Variants in SYF2 observed in about 807,000 individuals in gnomAD.
The protein encoded by SYF2 is pre-mRNA-splicing factor SYF2.
In SYF2, 21 loss-of-function variants were observed where a neutral mutation model predicts 32.7. That is an observed-to-expected ratio of 0.64 (90% confidence interval 0.45 to 0.92). SYF2 has a LOEUF of 0.92. SYF2 is among the 40% of genes least tolerant of loss of function. The probability of loss-of-function intolerance (pLI) is 0.00; values close to 1 mark genes in which losing one functional copy is unlikely to be tolerated. For missense variants in SYF2, 278 were observed against 296.5 expected (o/e 0.94, Z 0.46); for synonymous variants, 114 against 103.9 (o/e 1.10, Z -0.59).
At chr1:25,228,373 C>CA (rs1217208037) in intron 3 of SYF2, 138 bp from the exon 4 acceptor site, 15 of 766,112 alleles carry the variant, frequency 2.0e-5, no homozygotes. Context: ...CTCACTCTGT[C>CA]ACGCAGGCTG....
At chr1:25,227,868 T>C (rs914358652) in intron 4 of SYF2, among the ~76,000 whole-genome samples, 1 of 152,230 alleles carries the variant, frequency 6.6e-6, no homozygotes, top group African/African-American at 2.4e-5. Context: ...AAGCATAGCT[T>C]CTATCCTGAA....
chr1:25,230,334 C>T (rs1214436858), intron 2 of SYF2: 1 of 150,444 alleles, frequency 6.6e-6, no homozygotes, highest in Non-Finnish European at 1.5e-5. Context: ...GGAGAAGAGT[C>T]TATTTTTAAA....
In SYF2 at chr1:25,227,520, G is replaced by A. The variant is rs2124511454; in HGVS notation, c.389C>T (p.Ala130Val). Residue 130 changes from alanine (A) to valine (V), a missense_variant, in exon 5 of 7, where the codon GCC (alanine) becomes GTC (valine). Ala to Val is a moderately conservative substitution (Grantham distance 64). Coordinates refer to ENST00000236273, the MANE Select transcript of SYF2 (RefSeq NM_015484.5). The stretch of plus-strand genomic sequence containing the variant: ...CAACCGATGATACTGGCGTAACTGG[G>A]CAGCAGCATAATCTAAAAATATAAA... ...PDLGFSDYAA[A>V]QLRQYHRLTK... The A allele has an allele frequency of 6.2e-7, 1 of 1,613,264 alleles. No homozygotes were observed. The highest frequency in any genetic ancestry group is 1.3e-5 in the African/African-American group (1 of 74,998).
At chr1:25,226,558 T>C (rs916016618) in intron 5 of SYF2, among the ~76,000 whole-genome samples, 4 of 152,192 alleles carry the variant, frequency 2.6e-5, no homozygotes, top group African/African-American at 9.7e-5. Context: ...CCTCCTAAAA[T>C]AATATCTAAG....
Position 25,232,186 on chromosome 1 carries a change from CCCT to C in SYF2, c.47_49del (p.Glu16del), listed in dbSNP as rs767601374. The C allele has an allele frequency of 6.2e-7, 1 of 1,613,826 alleles. No homozygotes were observed. The highest frequency in any genetic ancestry group is 8.5e-7 in the Non-Finnish European group (1 of 1,179,998). On this transcript the variant is annotated inframe_deletion, in exon 2 of 7. Transcript: ENST00000236273. ...CAGCTCCGCCGCCGCAGCGAGGGAC[CCCT>C]CCTCCGCGCTGTCCACCAGCACCTG...
At chr1:25,226,837 C>T (rs1361015911) in intron 5 of SYF2, among the ~76,000 whole-genome samples, 1 of 151,978 alleles carries the variant, frequency 6.6e-6, no homozygotes, top group Non-Finnish European at 1.5e-5. Flanking sequence ...ATTAATTAGC[C>T]AGGAATCGTG....
chr1:25,224,248 T>A (rs1377504253), intron 6 of SYF2, among the ~76,000 whole-genome samples: 2 of 151,996 alleles, frequency 1.3e-5, no homozygotes, highest in African/African-American at 4.8e-5. Context: ...GCACATAATA[T>A]GTGCCAGACA....
intron 3 of SYF2, 125 bp downstream of exon 3, chr1:25,228,873 C>T: frequency 8.4e-7 from 1 of 1,186,580 alleles, no homozygotes; most frequent in Non-Finnish European, 1.2e-6. Flanking sequence ...TGGTACTGAG[C>T]AGAGCCAGAA....
intron 5 of SYF2, 132 bp from the exon 6 acceptor site, chr1:25,225,232 T>TA (rs1462999504): frequency 9.3e-6 from 6 of 643,368 alleles, no homozygotes; most frequent in Non-Finnish European, 5.5e-6. Context: ...AATTTTTTTT[T>TA]AAAAAAACAT....
At chr1:25,229,642 G>A (rs1383754829) in intron 2 of SYF2, among the ~76,000 whole-genome samples, 2 of 152,090 alleles carry the variant, frequency 1.3e-5, no homozygotes, top group African/African-American at 2.4e-5. Context: ...AGGCATGGTG[G>A]TGCACACCTG....
At chr1:25,231,794 T>G (rs1638636016) in intron 2 of SYF2, 1 of 448,862 alleles carries the variant, frequency 2.2e-6, no homozygotes, top group Admixed American at 3.6e-5. Context: ...TTTCCCTAGG[T>G]AAAATGAAGA....
At chr1:25,224,039 C>T (rs1326083649) in intron 6 of SYF2, among the ~76,000 whole-genome samples, 1 of 151,932 alleles carries the variant, frequency 6.6e-6, no homozygotes, top group Admixed American at 6.6e-5. Flanking sequence ...ACTAAAAATA[C>T]AAAAATTAGC....
chr1:25,228,994 TA>T lies in SYF2; in HGVS notation c.258+3del. ...TCACTTATGAAGATAGAATAGTTCCTAACCTTTTTCTTTTCCTCTTCCTTTA... is the reference window on the plus strand; with the variant it reads ...TCACTTATGAAGATAGAATAGTTCCTACCTTTTTCTTTTCCTCTTCCTTTA... On this transcript the variant is annotated splice_donor_region_variant and intron_variant, in intron 3 of 6. Coordinates refer to ENST00000236273, the MANE Select transcript of SYF2 (RefSeq NM_015484.5). The T allele has an allele frequency of 6.2e-7, 1 of 1,611,370 alleles. No homozygotes were observed. Among genetic ancestry groups the T allele is most frequent in the Non-Finnish European group, 8.5e-7 (1 of 1,179,374 alleles).
chr1:25,227,359 A>C, intron 5 of SYF2, 83 bp downstream of exon 5: 1 of 1,114,810 alleles, frequency 9.0e-7, no homozygotes, highest in Non-Finnish European at 1.3e-6. Flanking sequence ...CTTAGCATTA[A>C]AGCATGTTTC....
At chr1:25,224,663 C>G (rs1055244020) in intron 6 of SYF2, among the ~76,000 whole-genome samples, 3 of 152,154 alleles carry the variant, frequency 2.0e-5, no homozygotes, top group Admixed American at 2.0e-4. Context: ...CAAACCTAAG[C>G]GAGGAACATT....
chr1:25,227,098 C>A (rs889395680), intron 5 of SYF2, among the ~76,000 whole-genome samples: 1 of 151,994 alleles, frequency 6.6e-6, no homozygotes, highest in African/African-American at 2.4e-5. Flanking sequence ...GCCTGGCCAA[C>A]GTGGTGAAAC....
chr1:25,227,009 G>A (rs563035019), intron 5 of SYF2, among the ~76,000 whole-genome samples: 3 of 151,776 alleles, frequency 2.0e-5, no homozygotes, highest in South Asian at 2.1e-4. Context: ...AGGGCCGGGC[G>A]CAGTAGCTCA....
At chr1:25,226,407 T>C (rs533009629) in intron 5 of SYF2, among the ~76,000 whole-genome samples, 22 of 152,322 alleles carry the variant, frequency 1.4e-4, no homozygotes, top group African/African-American at 4.6e-4. Flanking sequence ...GCTTCATTTA[T>C]GAATTCTCTG....
Position 25,229,033 on chromosome 1 carries a change from A to T in SYF2, c.223T>A (p.Leu75Met), listed in dbSNP as rs758678927. The T allele has an allele frequency of 1.7e-5, 27 of 1,613,958 alleles. No individual in the cohort carries two copies. In the East Asian group the frequency reaches 6.0e-4, roughly 36 times the overall value. ...PANWEAKKAR[L>M]EWELKEEEKK... is the part of the protein sequence containing the mutation. ...TCCTCTTCCTTTAGTTCCCACTCCA[A>T]ACGAGCTTTTTTGGCTTCCCAATTT... Residue 75 changes from leucine (L) to methionine (M), a missense_variant, in exon 3 of 7, where the codon TTG (leucine) becomes ATG (methionine). By Grantham distance (15) the Leu-to-Met change is conservative. Coordinates refer to ENST00000236273, the MANE Select transcript of SYF2 (RefSeq NM_015484.5).
Sources: allele counts gnomAD v4.1 joint callset (sites outside exome capture counted in the v4.1 genomes callset), GRCh38; gene constraint gnomAD v4.1.1; transcripts MANE v1.5; gene names NCBI Gene and HGNC (gene_info 2026-07-23, HGNC 2026-07-21).